Variants in SEM1 observed in about 807,000 individuals in gnomAD.
The protein encoded by SEM1 is 26S proteasome complex subunit SEM1.
SEM1 carries 3 observed loss-of-function variants against 12.7 expected under a neutral mutation model. The ratio of observed to expected loss-of-function variants is 0.24; its 90% CI spans 0.11 to 0.61. The LOEUF is 0.61. Ranked by LOEUF, SEM1 falls within the 20% of genes least tolerant of loss-of-function variation. The pLI, the probability that SEM1 is intolerant of heterozygous loss-of-function variation, is 0.88. For synonymous variants in SEM1, 30 were observed against 27.8 expected, an observed-to-expected ratio of 1.08 and a Z score of -0.25; for missense variants, 59 against 81.3, an observed-to-expected ratio of 0.73 and a Z score of 1.06.
intron 2 of SEM1, among the ~76,000 whole-genome samples, chr7:96,524,236 C>T (rs1043914301): frequency 2.0e-5 from 3 of 152,100 alleles, no homozygotes; most frequent in Non-Finnish European, 4.4e-5. Context: ...TTCTCTCCTC[C>T]GAATTCTCAA....
At chr7:96,679,092 G>A (rs995528248) in intron 2 of SEM1, among the ~76,000 whole-genome samples, 1 of 152,002 alleles carries the variant, frequency 6.6e-6, no homozygotes, top group African/African-American at 2.4e-5. Flanking sequence ...TCTTACTTAA[G>A]AGGAATGATG....
intron 2 of SEM1, among the ~76,000 whole-genome samples, chr7:96,529,995 A>G (rs1408446749): frequency 1.3e-5 from 2 of 152,084 alleles, no homozygotes; most frequent in Non-Finnish European, 2.9e-5. Context: ...AACTCATGGG[A>G]AAACTCTCAA....
At chr7:96,483,546 A>G in exon 4 of SEM1, 1 of 349,528 alleles carries the variant, frequency 2.9e-6, no homozygotes, top group South Asian at 2.6e-5. Flanking sequence ...ATATTGCATC[A>G]GCTACAGACT....
chr7:96,539,606 G>A (rs1015159050), intron 2 of SEM1, among the ~76,000 whole-genome samples: 13 of 151,224 alleles, frequency 8.6e-5, no homozygotes, highest in African/African-American at 2.7e-4. Context: ...TGAAGTTATC[G>A]CATTGAAAAA....
intron 2 of SEM1, among the ~76,000 whole-genome samples, chr7:96,517,957 TA>T (rs1368768281): frequency 3.9e-5 from 6 of 152,164 alleles, no homozygotes; most frequent in African/African-American, 1.2e-4. Flanking sequence ...GCATTCATTT[TA>T]AAACACGTAA....
intron 2 of SEM1, among the ~76,000 whole-genome samples, chr7:96,532,559 T>A (rs1804672244): frequency 6.6e-6 from 1 of 152,162 alleles, no homozygotes; most frequent in South Asian, 2.1e-4. Flanking sequence ...ATGTTCATTG[T>A]TGCCAACATT....
chr7:96,532,977 G>A (rs963766852), intron 2 of SEM1, among the ~76,000 whole-genome samples: 3 of 152,136 alleles, frequency 2.0e-5, no homozygotes, highest in East Asian at 1.9e-4. Context: ...CTACAGATTG[G>A]TATCAGTACT....
At chr7:96,551,960 C>G (rs1217331374) in intron 2 of SEM1, among the ~76,000 whole-genome samples, 1 of 152,128 alleles carries the variant, frequency 6.6e-6, no homozygotes, top group Admixed American at 6.5e-5. Context: ...TTTACGCCAC[C>G]TAATATGCAG....
intron 2 of SEM1, among the ~76,000 whole-genome samples, chr7:96,516,335 G>A (rs10252811): frequency 0.032 from 4,879 of 152,156 alleles, 127 homozygotes; most frequent in East Asian, 0.074. Flanking sequence ...CAAGAGATAC[G>A]TCTGATAAAA....
At chr7:96,649,020 C>T (rs1303813623) in intron 2 of SEM1, among the ~76,000 whole-genome samples, 1 of 152,200 alleles carries the variant, frequency 6.6e-6, no homozygotes, top group Non-Finnish European at 1.5e-5. Context: ...GGTGGAGCCT[C>T]CCTGAGCTGA....
chr7:96,541,788 G>A (rs1584749435), intron 2 of SEM1, among the ~76,000 whole-genome samples: 1 of 151,358 alleles, frequency 6.6e-6, no homozygotes, highest in Admixed American at 6.6e-5. Context: ...AAAGGTAGGT[G>A]CTGTTTCATT....
chr7:96,636,856 G>A (rs1225714174), intron 2 of SEM1, among the ~76,000 whole-genome samples: 2 of 151,960 alleles, frequency 1.3e-5, no homozygotes, highest in Non-Finnish European at 2.9e-5. Flanking sequence ...TCACTGGATT[G>A]GTCTGTTACT....
chr7:96,632,468 C>T (rs908890594), intron 2 of SEM1, among the ~76,000 whole-genome samples: 25 of 152,100 alleles, frequency 1.6e-4, no homozygotes, highest in Admixed American at 6.5e-4. Context: ...AAAGCAAACA[C>T]TGCATGTTCC....
chr7:96,557,701 A>C (rs1349760816), intron 2 of SEM1, among the ~76,000 whole-genome samples: 1 of 142,510 alleles, frequency 7.0e-6, no homozygotes, highest in African/African-American at 2.5e-5. Flanking sequence ...GGCCTCCTTC[A>C]GCTGTGGTGG....
intron 2 of SEM1, among the ~76,000 whole-genome samples, chr7:96,555,066 C>T (rs367862412): frequency 1.1e-4 from 16 of 150,518 alleles, no homozygotes; most frequent in African/African-American, 1.5e-4. Context: ...TTTTTTATTG[C>T]GTCTATTTGA....
intron 2 of SEM1, among the ~76,000 whole-genome samples, chr7:96,543,256 T>G (rs1805008934): frequency 6.6e-6 from 1 of 151,980 alleles, no homozygotes; most frequent in African/African-American, 2.4e-5. Context: ...TTACATTTTA[T>G]TGGGAGTATA....
At chr7:96,606,877 A>C (rs761016981) in intron 2 of SEM1, among the ~76,000 whole-genome samples, 19 of 152,158 alleles carry the variant, frequency 1.2e-4, no homozygotes, top group Non-Finnish European at 2.5e-4. Context: ...TCACATGTCC[A>C]TGTTATTTTC....
At chr7:96,675,616 T>G (rs1789431059) in intron 2 of SEM1, among the ~76,000 whole-genome samples, 1 of 152,186 alleles carries the variant, frequency 6.6e-6, no homozygotes, top group South Asian at 2.1e-4. Context: ...AAATGGCGTG[T>G]GGTCTTAGTG....
At chr7:96,525,997 G>A (rs1804452715) in intron 2 of SEM1, among the ~76,000 whole-genome samples, 1 of 152,080 alleles carries the variant, frequency 6.6e-6, no homozygotes, top group African/African-American at 2.4e-5. Context: ...ATGTATTCTA[G>A]TATATTCACA....
Sources: allele counts gnomAD v4.1 joint callset (sites outside exome capture counted in the v4.1 genomes callset), GRCh38; gene constraint gnomAD v4.1.1; transcripts MANE v1.5; gene names NCBI Gene and HGNC (gene_info 2026-07-23, HGNC 2026-07-21).